Variants in CSMD3 observed in about 807,000 individuals in gnomAD.
CSMD3 encodes the protein CUB and sushi domain-containing protein 3.
CSMD3 carries 177 observed loss-of-function variants against 435.2 expected under a neutral mutation model. The observed-to-expected ratio is 0.41, with a 90% CI of 0.36 to 0.46. CSMD3 has a LOEUF of 0.46. Among genes scored for constraint, CSMD3 ranks in the 20% least tolerant of loss-of-function variants. CSMD3 has a pLI of 0.34. For synonymous variants in CSMD3, 1,656 were observed against 1,520.5 expected, an observed-to-expected ratio of 1.09 and a Z score of -2.07; for missense variants, 4,265 against 4,504.6, an observed-to-expected ratio of 0.95 and a Z score of 1.52.
At chr8:113,109,510 G>A (rs1457411939) in intron 4 of CSMD3, among the ~76,000 whole-genome samples, 1 of 152,176 alleles carries the variant, frequency 6.6e-6, no homozygotes, top group Non-Finnish European at 1.5e-5. Flanking sequence ...GAAGAAAGGG[G>A]TAACAAGTAA....
intron 4 of CSMD3, among the ~76,000 whole-genome samples, chr8:113,112,439 A>G (rs1239271608): frequency 1.3e-4 from 5 of 39,688 alleles, no homozygotes; most frequent in African/African-American, 4.4e-4. Context: ...ATATATATAT[A>G]TATATATATG....
Position 112,874,937 on chromosome 8 carries a change from T to C in CSMD3, c.1634-15671A>G, listed in dbSNP as rs551706678. Among the ~76,000 whole-genome samples the C allele has an allele frequency of 3.9e-5, 6 of 152,274 alleles. No individual in the cohort carries two copies. The South Asian group carries it at 1.2e-3, about 32-fold the overall frequency. On this transcript the variant is annotated intron_variant, in intron 10 of 70. Transcript: ENST00000297405. ...TTTACATTTAAGGTTAATATTGTTA[T>C]GTGTTAATTTGAACCTGCCATTATG...
intron 40 of CSMD3, among the ~76,000 whole-genome samples, chr8:112,347,912 AATTTC>A (rs1052121117): frequency 6.6e-6 from 1 of 152,206 alleles, no homozygotes; most frequent in Non-Finnish European, 1.5e-5. Context: ...TTGCCTTCAC[AATTTC>A]AAGTCTTTGA....
Position 112,643,946 on chromosome 8 carries a change from A to G in CSMD3, c.3310+1163T>C, listed in dbSNP as rs542684082. 2.0e-4 allele frequency among the ~76,000 whole-genome samples: 30 copies of G among 152,120 alleles called. No individual in the cohort carries two copies. The South Asian group carries it at 6.0e-3, about 30-fold the overall frequency. On this transcript the variant is annotated intron_variant, in intron 20 of 70. Transcript: ENST00000297405. Reference sequence around the variant, plus strand: ...GTATTAAACACAAGCTTTTAGTTTTAATGGTAATAACATCTTCTCATTGCT... The same window carrying G: ...GTATTAAACACAAGCTTTTAGTTTTGATGGTAATAACATCTTCTCATTGCT...
intron 5 of CSMD3, among the ~76,000 whole-genome samples, chr8:113,060,563 A>G (rs1482616569): frequency 6.6e-6 from 1 of 152,196 alleles, no homozygotes; most frequent in East Asian, 1.9e-4. Flanking sequence ...ATAGACACAA[A>G]TATAGTAATA....
At chr8:112,734,890 T>G (rs1262334987) in intron 13 of CSMD3, among the ~76,000 whole-genome samples, 1 of 151,992 alleles carries the variant, frequency 6.6e-6, no homozygotes, top group Non-Finnish European at 1.5e-5. Context: ...TCTATCATAC[T>G]CATTTTTCTG....
At chr8:112,776,921 A>G (rs1019277203) in intron 13 of CSMD3, among the ~76,000 whole-genome samples, 1 of 151,790 alleles carries the variant, frequency 6.6e-6, no homozygotes, top group East Asian at 1.9e-4. Context: ...ATATATTTTT[A>G]TTGACCTCCC....
intron 10 of CSMD3, among the ~76,000 whole-genome samples, chr8:112,891,751 T>C (rs1055421747): frequency 4.0e-5 from 6 of 151,614 alleles, no homozygotes; most frequent in Non-Finnish European, 8.9e-5. Flanking sequence ...TTCTGTTTTA[T>C]ACATTAGGAA....
At chr8:112,354,335 A>G (rs1047046801) in intron 38 of CSMD3, among the ~76,000 whole-genome samples, 3 of 152,214 alleles carry the variant, frequency 2.0e-5, no homozygotes, top group Admixed American at 6.5e-5. Flanking sequence ...TAATTCTGGA[A>G]GTCCTAGCCA....
In CSMD3 at chr8:112,939,360, C is replaced by T. The variant is rs541986034; in HGVS notation, c.1508+8430G>A. 2.0e-5 allele frequency among the ~76,000 whole-genome samples: 3 copies of T among 152,114 alleles called. No homozygotes were observed. The East Asian group carries it at 5.8e-4, about 29-fold the overall frequency. ...CAAAGACAAGGCAAAGACAGGTAAC[C>T]AAGCATTTATTAGCCCCTCTTTGTT... On this transcript the variant is annotated intron_variant, in intron 9 of 70. Transcript: ENST00000297405.
intron 2 of CSMD3, among the ~76,000 whole-genome samples, chr8:113,287,907 C>A (rs554568118): frequency 3.1e-4 from 47 of 151,920 alleles, no homozygotes; most frequent in African/African-American, 1.0e-3. Context: ...ACCTAGAATT[C>A]TTATTATTAA....
intron 28 of CSMD3, among the ~76,000 whole-genome samples, chr8:112,513,802 T>C (rs980615612): frequency 6.6e-6 from 1 of 152,198 alleles, no homozygotes; most frequent in Non-Finnish European, 1.5e-5. Flanking sequence ...AAATGTTCTT[T>C]GTGATTTTTT....
At chr8:112,871,479 T>C (rs2081133281) in intron 10 of CSMD3, among the ~76,000 whole-genome samples, 1 of 151,984 alleles carries the variant, frequency 6.6e-6, no homozygotes, top group African/African-American at 2.4e-5. Context: ...GGAAGAAATA[T>C]ATTATAAAAA....
At chr8:112,633,929 CTT>C (rs2074585347) in intron 22 of CSMD3, among the ~76,000 whole-genome samples, 1 of 151,966 alleles carries the variant, frequency 6.6e-6, no homozygotes, top group Admixed American at 6.6e-5. Flanking sequence ...CATTTGTACC[CTT>C]GTGCCAGGAA....
In CSMD3 at chr8:112,925,368, C is replaced by T. The variant is rs552682721; in HGVS notation, c.1509-3617G>A. The stretch of plus-strand genomic sequence containing the variant: ...GGTCAGGAGATCGAGACCATCCTGG[C>T]TAACACGGTGAGACCCCGTCTCTAC... On this transcript the variant is annotated intron_variant, in intron 9 of 70. Transcript: ENST00000297405. 1.7e-3 allele frequency among the ~76,000 whole-genome samples: 252 copies of T among 151,986 alleles called. 2 individuals are homozygous for T. Among genetic ancestry groups the T allele is most frequent in the Non-Finnish European group, 1.3e-3 (90 of 67,958 alleles).
At chr8:113,173,016 ATGC>A (rs2092293107) in intron 4 of CSMD3, among the ~76,000 whole-genome samples, 2 of 152,210 alleles carry the variant, frequency 1.3e-5, no homozygotes, top group African/African-American at 4.8e-5. Context: ...TAGTAAACAA[ATGC>A]AGCATAATTA....
At position 112,659,481 on chromosome 8, in the gene CSMD3, C is replaced by A. The variant is rs182509353; in HGVS notation, c.2817-3140G>T. Among the ~76,000 whole-genome samples the A allele has an allele frequency of 4.4e-3, 666 of 152,172 alleles. 5 individuals are homozygous for A. The highest frequency in any genetic ancestry group is 0.015 in the African/African-American group (633 of 41,526). The stretch of plus-strand genomic sequence containing the variant: ...AAAAACATTCTTGATGTAATCCAAA[C>A]CCTTCCTAACCAAATTGAGATAGTC... On this transcript the variant is annotated intron_variant, in intron 17 of 70. Transcript: ENST00000297405.
intron 13 of CSMD3, among the ~76,000 whole-genome samples, chr8:112,795,494 A>G (rs2132309356): frequency 6.6e-6 from 1 of 152,268 alleles, no homozygotes; most frequent in South Asian, 2.1e-4. Flanking sequence ...TCAAATATAA[A>G]TTCACTGCCA....
chr8:113,391,248 C>T (rs1408251388), intron 1 of CSMD3, among the ~76,000 whole-genome samples: 1 of 151,952 alleles, frequency 6.6e-6, no homozygotes, highest in Non-Finnish European at 1.5e-5. Context: ...GATGGAGGAA[C>T]TAAGAATAGG....
Sources: allele counts gnomAD v4.1 joint callset (sites outside exome capture counted in the v4.1 genomes callset), GRCh38; gene constraint gnomAD v4.1.1; transcripts MANE v1.5; gene names NCBI Gene and HGNC (gene_info 2026-07-23, HGNC 2026-07-21).